LIMCH1: variants seen among roughly 807,000 people sequenced by gnomAD.
LIMCH1 encodes the protein LIM and calponin homology domains 1.
A neutral mutation model predicts 176.5 loss-of-function variants in LIMCH1; 113 were observed. That is an observed-to-expected ratio of 0.64 (90% CI 0.55 to 0.75). LIMCH1 has a LOEUF of 0.75. Among genes scored for constraint, LIMCH1 ranks in the 30% least tolerant of loss-of-function variants. The pLI is 0.00. For missense variants in LIMCH1, 1,674 were observed against 1,814.9 expected (o/e 0.92, Z 1.41); for synonymous variants, 619 against 645.9 (o/e 0.96, Z 0.63).
At chr4:41,584,652 C>T (rs2086124379) in intron 1 of LIMCH1, among the ~76,000 whole-genome samples, 1 of 152,088 alleles carries the variant, frequency 6.6e-6, no homozygotes, top group Non-Finnish European at 1.5e-5. Context: ...CTCTAGGACT[C>T]TGTGATGTGT....
chr4:41,687,915 C>T lies in LIMCH1; in HGVS notation c.4164C>T (p.Asn1388=), dbSNP rs1045086468. Residue 1388 remains asparagine, a splice_region_variant and synonymous_variant, in exon 29 of 32, where the codon AAC becomes AAT. Coordinates refer to ENST00000503057, the MANE Select transcript of LIMCH1 (RefSeq NM_001330672.2). ...CSPTPPGQSP[N]RSISGKKLCS... is the part of the protein sequence containing the mutation. ...CCACCCCTCCCGGTCAGTCACCAAACAGGTACAAGAGGTCAGCAGGCCTTT... is the reference window on the plus strand; with the variant it reads ...CCACCCCTCCCGGTCAGTCACCAAATAGGTACAAGAGGTCAGCAGGCCTTT... 8.1e-6 allele frequency: 13 copies of T among 1,612,462 alleles called. No individual in the cohort carries two copies. Among genetic ancestry groups the T allele is most frequent in the African/African-American group, 1.3e-5 (1 of 74,798 alleles).
chr4:41,544,232 A>G (rs1201625702), intron 1 of LIMCH1, among the ~76,000 whole-genome samples: 1 of 152,238 alleles, frequency 6.6e-6, no homozygotes, highest in South Asian at 2.1e-4. Context: ...CTGTTGAAAG[A>G]GTTTAAAAAC....
At chr4:41,417,537 CAG>C in intron 1 of LIMCH1, among the ~76,000 whole-genome samples, 1 of 152,168 alleles carries the variant, frequency 6.6e-6, no homozygotes, top group African/African-American at 2.4e-5. Context: ...TTTCTTTCTA[CAG>C]GGAGTCAGTG....
chr4:41,635,538 T>C (rs956711658), intron 13 of LIMCH1, among the ~76,000 whole-genome samples: 1 of 152,176 alleles, frequency 6.6e-6, no homozygotes, highest in African/African-American at 2.4e-5. Context: ...TGTCACTCTT[T>C]GTGATTCTGG....
At chr4:41,561,459 G>A (rs1373072736) in intron 1 of LIMCH1, among the ~76,000 whole-genome samples, 2 of 152,308 alleles carry the variant, frequency 1.3e-5, no homozygotes, top group East Asian at 1.9e-4. Context: ...CGATGTGTGA[G>A]CAGAATACAG....
chr4:41,397,984 T>C (rs1392542340), intron 1 of LIMCH1, among the ~76,000 whole-genome samples: 1 of 152,064 alleles, frequency 6.6e-6, no homozygotes, highest in African/African-American at 2.4e-5. Flanking sequence ...TGTACCCTGC[T>C]CTTTAAGTTA....
At chr4:41,557,507 G>T (rs1030306453) in intron 1 of LIMCH1, among the ~76,000 whole-genome samples, 10 of 151,266 alleles carry the variant, frequency 6.6e-5, no homozygotes, top group African/African-American at 2.0e-4. Flanking sequence ...ATCAAGCAAA[G>T]ATGTTAAAAT....
At chr4:41,437,911 T>C (rs879474376) in intron 1 of LIMCH1, among the ~76,000 whole-genome samples, 1 of 152,254 alleles carries the variant, frequency 6.6e-6, no homozygotes, top group African/African-American at 2.4e-5. Context: ...CCAAAGTAAA[T>C]TGTCACATGT....
intron 1 of LIMCH1, among the ~76,000 whole-genome samples, chr4:41,574,519 C>T (rs1018363761): frequency 1.3e-5 from 2 of 151,860 alleles, no homozygotes; most frequent in African/African-American, 2.4e-5. Context: ...AAACTCTTGA[C>T]CTCAGGTGAT....
intron 4 of LIMCH1, 50 bp downstream of exon 4, chr4:41,606,054 A>G: frequency 7.6e-7 from 1 of 1,313,022 alleles, no homozygotes; most frequent in Non-Finnish European, 1.1e-6. Flanking sequence ...AAGGTGGGAA[A>G]GCTACACATT....
At chr4:41,697,095 T>A (rs1731279007) in intron 31 of LIMCH1, 65 bp from the exon 32 acceptor site, 1 of 1,580,950 alleles carries the variant, frequency 6.3e-7, no homozygotes, top group African/African-American at 1.3e-5. Context: ...AGGGAGGTTT[T>A]AAAATGTCTG....
At chr4:41,584,092 T>C (rs1050068277) in intron 1 of LIMCH1, among the ~76,000 whole-genome samples, 1 of 152,228 alleles carries the variant, frequency 6.6e-6, no homozygotes, top group African/African-American at 2.4e-5. Flanking sequence ...TTTCCTAATG[T>C]CATCCACATG....
intron 1 of LIMCH1, among the ~76,000 whole-genome samples, chr4:41,369,312 C>G (rs754800978): frequency 1.3e-5 from 2 of 151,992 alleles, no homozygotes; most frequent in Admixed American, 1.3e-4. Context: ...TCTGGGAAAC[C>G]CTTTCTGACA....
chr4:41,509,856 G>A lies in LIMCH1; in HGVS notation c.168-14553G>A, dbSNP rs552479471. Among the ~76,000 whole-genome samples, 133 of 152,268 alleles carry A rather than the reference G, an allele frequency of 8.7e-4. 4 individuals carry two copies. In the South Asian group the frequency reaches 0.027, roughly 31 times the overall value. ...TCAAAAGAGGGACTCAGCACAGTAGGGGTACTGTCTCCATTCAAACTGTTC... is the reference window on the plus strand; with the variant it reads ...TCAAAAGAGGGACTCAGCACAGTAGAGGTACTGTCTCCATTCAAACTGTTC... On this transcript the variant is annotated intron_variant, in intron 2 of 26. Coordinates refer to the LIMCH1 transcript ENST00000313860.
intron 3 of LIMCH1, among the ~76,000 whole-genome samples, chr4:41,532,386 T>C (rs1412497220): frequency 6.6e-6 from 1 of 152,184 alleles, no homozygotes; most frequent in Non-Finnish European, 1.5e-5. Flanking sequence ...CCCTACTGAA[T>C]GTGGAATAAA....
chr4:41,504,584 A>G (rs938924395), intron 2 of LIMCH1, among the ~76,000 whole-genome samples: 2 of 152,220 alleles, frequency 1.3e-5, no homozygotes, highest in Admixed American at 1.3e-4. Flanking sequence ...TGGCAATGGC[A>G]GTATGCAGAT....
At chr4:41,694,194 A>G (rs1451867176) in intron 31 of LIMCH1, among the ~76,000 whole-genome samples, 2 of 152,214 alleles carry the variant, frequency 1.3e-5, no homozygotes, top group Non-Finnish European at 2.9e-5. Flanking sequence ...AGGATTTACC[A>G]TAGAAAACAA....
chr4:41,506,687 T>C (rs1172430986), intron 2 of LIMCH1, among the ~76,000 whole-genome samples: 1 of 152,190 alleles, frequency 6.6e-6, no homozygotes, highest in African/African-American at 2.4e-5. Flanking sequence ...ATAATATTAA[T>C]TGACTATTAA....
chr4:41,576,745 T>TA (rs2152653482), intron 1 of LIMCH1, among the ~76,000 whole-genome samples: 2 of 152,288 alleles, frequency 1.3e-5, no homozygotes, highest in Admixed American at 1.3e-4. Flanking sequence ...AGTGTAGTCT[T>TA]ACTATGGAAT....
Sources: gnomAD v4.1 joint callset for allele counts (sites outside exome capture counted in the v4.1 genomes callset) on GRCh38, gnomAD v4.1.1 for gene constraint, MANE v1.5 for transcripts, NCBI Gene and HGNC (gene_info 2026-07-23, HGNC 2026-07-21) for gene names.